Variants in OSBPL3 observed in about 807,000 individuals in gnomAD.
The protein encoded by OSBPL3 is oxysterol-binding protein-related protein 3.
In OSBPL3, 65 loss-of-function variants were observed where a neutral mutation model predicts 120.1. The observed-to-expected ratio is 0.54, with a 90% confidence interval of 0.44 to 0.67. OSBPL3 has a LOEUF of 0.67. OSBPL3 is among the 30% of genes least tolerant of loss of function. OSBPL3 has a pLI of 0.00. For synonymous variants in OSBPL3, 416 were observed against 402.6 expected (o/e 1.03, Z -0.40); for missense variants, 1,004 against 1,082.1 (o/e 0.93, Z 1.01).
intron 19 of OSBPL3, 129 bp from the exon 20 acceptor site, chr7:24,810,080 T>A: frequency 1.0e-6 from 1 of 967,240 alleles, no homozygotes; most frequent in Non-Finnish European, 1.6e-6. Flanking sequence ...AGTTTGCTAG[T>A]TCTGGGTTCC....
At position 24,933,808 on chromosome 7, in the gene OSBPL3, G is replaced by A. The variant is rs1393513490; in HGVS notation, c.-149-41187C>T. Among the ~76,000 whole-genome samples the A allele has an allele frequency of 6.6e-6, 1 of 152,180 alleles. No individual in the cohort carries two copies. Among genetic ancestry groups the A allele is most frequent in the East Asian group, 1.9e-4 (1 of 5,204 alleles). Reference sequence around the variant, plus strand: ...ATTCCCAAAGTTACTATCTGCTTTTGCTATCAAAGTTTGGAATTTCAGTCA... The same window carrying A: ...ATTCCCAAAGTTACTATCTGCTTTTACTATCAAAGTTTGGAATTTCAGTCA... On this transcript the variant is annotated intron_variant, in intron 1 of 22. Coordinates refer to ENST00000313367, the MANE Select transcript of OSBPL3 (RefSeq NM_015550.4). This position sits in a 1 kb window ranked among gnomAD's most constrained non-coding sequence, Gnocchi z 5.1.
In OSBPL3 at chr7:24,828,683, T is replaced by G. The variant is rs997720243; in HGVS notation, c.1884+2085A>C. On this transcript the variant is annotated intron_variant, in intron 16 of 22. Transcript: ENST00000313367. ...AAATATAAGAGCAATAGCCATTTAC[T>G]GAATATTTCCATCAGTGTATTATTT... Among the ~76,000 whole-genome samples, 3 of 150,416 alleles carry G rather than the reference T, an allele frequency of 2.0e-5. 1 individual carries two copies. Among genetic ancestry groups the G allele is most frequent in the African/African-American group, 7.3e-5 (3 of 41,072 alleles).
chr7:24,862,692 C>T lies in OSBPL3; in HGVS notation c.870+508G>A, dbSNP rs2128251897. On this transcript the variant is annotated intron_variant, in intron 9 of 22. Coordinates refer to ENST00000313367, the MANE Select transcript of OSBPL3 (RefSeq NM_015550.4). This position sits in a 1 kb window ranked among gnomAD's most constrained non-coding sequence, Gnocchi z 4.4. Reference sequence around the variant, plus strand: ...AGCTGTGCATTGGGAAAGCTCCTAGCATGACACAGTGAATCCTGGATGAGG... The same window carrying T: ...AGCTGTGCATTGGGAAAGCTCCTAGTATGACACAGTGAATCCTGGATGAGG... Among the ~76,000 whole-genome samples the T allele has an allele frequency of 6.6e-6, 1 of 152,286 alleles. No individual in the cohort carries two copies. The highest frequency in any genetic ancestry group is 2.1e-4 in the South Asian group (1 of 4,820).
In OSBPL3 at chr7:24,915,515, T is replaced by C. The variant is rs115175860; in HGVS notation, c.-149-22894A>G. 4.1e-3 allele frequency among the ~76,000 whole-genome samples: 607 copies of C among 149,398 alleles called. 3 individuals are homozygous for C. Among genetic ancestry groups the C allele is most frequent in the African/African-American group, 0.013 (517 of 40,190 alleles). The stretch of plus-strand genomic sequence containing the variant: ...ATGAAATGTTTCCAAATTCAAGGAA[T>C]ATGGCACCCAAAACCCCTTTCTTTA... On this transcript the variant is annotated intron_variant, in intron 1 of 22. Transcript: ENST00000313367.
Position 24,834,875 on chromosome 7 carries a change from G to A in OSBPL3, c.1496-139C>T, listed in dbSNP as rs184220117. ...GTTGTTCAGAGTATGGCTGAAGTCA[G>A]AAAACCGGCAAAAGAATTCTGAGCA... On this transcript the variant is annotated intron_variant, in intron 14 of 22. Transcript: ENST00000313367. This position sits in a 1 kb window ranked among gnomAD's most constrained non-coding sequence, Gnocchi z 5.2. 4.1e-6 allele frequency: 3 copies of A among 738,626 alleles called. No individual in the cohort carries two copies. 45.8% of individuals were successfully genotyped at this position (738,626 alleles called of 1,614,324 possible). A position where few individuals can be genotyped will look rare whatever the true frequency, so the allele number is the denominator to read the frequency against.
rs1291116134 is a variant in OSBPL3 at position 24,821,794 on chromosome 7, A to AT, written c.1885-1557dup. 6.6e-5 allele frequency among the ~76,000 whole-genome samples: 10 copies of AT among 152,140 alleles called. No individual in the cohort carries two copies. The highest frequency in any genetic ancestry group is 6.5e-4 in the Admixed American group (10 of 15,282). Reference sequence around the variant, plus strand: ...ACGTGAGCCCTTCTGTGCCTGTGGGATTTTCAAGGGCAACTTTCACTTCAA... The same window carrying AT: ...ACGTGAGCCCTTCTGTGCCTGTGGGATTTTTCAAGGGCAACTTTCACTTCAA... On this transcript the variant is annotated intron_variant, in intron 16 of 22. Coordinates refer to ENST00000313367, the MANE Select transcript of OSBPL3 (RefSeq NM_015550.4). This position sits in a 1 kb window ranked among gnomAD's most constrained non-coding sequence, Gnocchi z 5.5.
rs1252573464 is a variant in OSBPL3 at position 24,854,619 on chromosome 7, C to T, written c.1028-1985G>A. ...AAATTTTCTAACGACGCCTATGAAA[C>T]ACACTTAGCTCCTTGCTTTAAACAA... is the stretch of plus-strand genomic sequence containing the variant. On this transcript the variant is annotated intron_variant, in intron 10 of 22. Coordinates refer to ENST00000313367, the MANE Select transcript of OSBPL3 (RefSeq NM_015550.4). This position sits in a 1 kb window ranked among gnomAD's most constrained non-coding sequence, Gnocchi z 4.1. Among the ~76,000 whole-genome samples the T allele has an allele frequency of 6.6e-6, 1 of 152,016 alleles. No homozygotes were observed. Among genetic ancestry groups the T allele is most frequent in the Non-Finnish European group, 1.5e-5 (1 of 68,022 alleles).
Position 24,894,505 on chromosome 7 carries a change from GA to G in OSBPL3, c.-149-1885del, listed in dbSNP as rs56241015. Among the ~76,000 whole-genome samples the G allele has an allele frequency of 0.95, 142,150 of 150,210 alleles. 67,321 individuals carry two copies. The highest frequency in any genetic ancestry group is 1 in the South Asian group (4,712 of 4,728). ...GTGTTGGCTGTTGCTGTTTGAGAAA[GA>G]AAAAAAAAAAATCAAAAACCTGGTG... On this transcript the variant is annotated intron_variant, in intron 1 of 22. Coordinates refer to ENST00000313367, the MANE Select transcript of OSBPL3 (RefSeq NM_015550.4). This position sits in a 1 kb window ranked among gnomAD's most constrained non-coding sequence, Gnocchi z 4.1.
At chr7:24,904,073 G>A (rs1046701703) in intron 1 of OSBPL3, among the ~76,000 whole-genome samples, 1 of 151,908 alleles carries the variant, frequency 6.6e-6, no homozygotes, top group African/African-American at 2.4e-5. Context: ...AGTAGAGATG[G>A]GGTTTCACCA....
At chr7:24,924,275 C>T (rs1426196154) in intron 1 of OSBPL3, among the ~76,000 whole-genome samples, 3 of 151,902 alleles carry the variant, frequency 2.0e-5, no homozygotes, top group South Asian at 2.1e-4. Flanking sequence ...AAGAAAATAC[C>T]GAGGGAGATA....
rs1237097167 is a variant in OSBPL3 at position 24,827,396 on chromosome 7, T to C, written c.1884+3372A>G. 6.6e-6 allele frequency among the ~76,000 whole-genome samples: 1 copy of C among 152,216 alleles called. No individual in the cohort carries two copies. Among genetic ancestry groups the C allele is most frequent in the African/African-American group, 2.4e-5 (1 of 41,456 alleles). On this transcript the variant is annotated intron_variant, in intron 16 of 22. Coordinates refer to ENST00000313367, the MANE Select transcript of OSBPL3 (RefSeq NM_015550.4). This position sits in a 1 kb window ranked among gnomAD's most constrained non-coding sequence, Gnocchi z 5.1. ...GAGGGAAAGAGGGGTACTGAGCTGA[T>C]AGGCTCCTGCTGGCCAGGGAAAGGG...
In OSBPL3 at chr7:24,806,734, G is replaced by C. The variant is rs926606273; in HGVS notation, c.2444+42C>G. On this transcript the variant is annotated intron_variant, in intron 21 of 22. Transcript: ENST00000313367. This position sits in a 1 kb window ranked among gnomAD's most constrained non-coding sequence, Gnocchi z 5.2. Reference sequence around the variant, plus strand: ...TTGTTAATAAGACTTTTTGTAAAGGGTTTTACATCTCTGGAGAGAAAAATC... The same window carrying C: ...TTGTTAATAAGACTTTTTGTAAAGGCTTTTACATCTCTGGAGAGAAAAATC... 3 of 1,596,872 alleles carry C rather than the reference G, an allele frequency of 1.9e-6. No homozygotes were observed. Among genetic ancestry groups the C allele is most frequent in the Non-Finnish European group, 2.6e-6 (3 of 1,169,474 alleles).
At position 24,898,257 on chromosome 7, in the gene OSBPL3, C is replaced by T. The variant is rs552249264; in HGVS notation, c.-149-5636G>A. ...TCTAATCACAACTTCAGATACCGAT[C>T]GGTGATCCCGGACCTCTGAAGTGCT... On this transcript the variant is annotated intron_variant, in intron 1 of 22. Coordinates refer to ENST00000313367, the MANE Select transcript of OSBPL3 (RefSeq NM_015550.4). This position sits in a 1 kb window ranked among gnomAD's most constrained non-coding sequence, Gnocchi z 4.3. Among the ~76,000 whole-genome samples the T allele has an allele frequency of 6.6e-6, 1 of 152,142 alleles. No homozygotes were observed. Among genetic ancestry groups the T allele is most frequent in the Non-Finnish European group, 1.5e-5 (1 of 68,034 alleles).
At chr7:24,921,475 T>G (rs1810375651) in intron 1 of OSBPL3, among the ~76,000 whole-genome samples, 1 of 152,200 alleles carries the variant, frequency 6.6e-6, no homozygotes, top group African/African-American at 2.4e-5. Flanking sequence ...TTCATAGACG[T>G]TTGGTCATGT....
At position 24,865,970 on chromosome 7, in the gene OSBPL3, C is replaced by G; in HGVS notation, c.549+100G>C. The G allele has an allele frequency of 3.4e-6, 3 of 888,572 alleles. No homozygotes were observed. In the East Asian group the frequency reaches 7.2e-5, roughly 21 times the overall value. The allele number at this position is 888,572 out of a possible 1,614,324, so 55.0% of individuals were successfully genotyped here. On this transcript the variant is annotated intron_variant, in intron 6 of 22. Transcript: ENST00000313367. ...CCAGCCCAAGCCTACCCTGCTTGTC[C>G]CCGAAAACTTTTCCTTCTTCGGACT...
intron 1 of OSBPL3, among the ~76,000 whole-genome samples, chr7:24,915,443 G>A (rs554127987): frequency 1.4e-4 from 22 of 152,072 alleles, no homozygotes; most frequent in African/African-American, 4.1e-4. Flanking sequence ...CAACAGAAAA[G>A]TTGTCTTTCA....
At chr7:24,942,274 TAG>T (rs1813193263) in intron 1 of OSBPL3, among the ~76,000 whole-genome samples, 1 of 152,014 alleles carries the variant, frequency 6.6e-6, no homozygotes, top group African/African-American at 2.4e-5. Flanking sequence ...AATCTAAACA[TAG>T]GTATTCTTTT....
In OSBPL3 at chr7:24,813,607, C is replaced by T. The variant is rs949815146; in HGVS notation, c.2172+1452G>A. On this transcript the variant is annotated intron_variant, in intron 19 of 22. Coordinates refer to ENST00000313367, the MANE Select transcript of OSBPL3 (RefSeq NM_015550.4). This position sits in a 1 kb window ranked among gnomAD's most constrained non-coding sequence, Gnocchi z 4.5. ...TATGGGCTTTATGTCTGTCTATAAT[C>T]CAGTTTGAGGCTATAATAAAGACCC... 9.9e-5 allele frequency among the ~76,000 whole-genome samples: 15 copies of T among 152,110 alleles called. No homozygotes were observed. The highest frequency in any genetic ancestry group is 2.1e-4 in the Non-Finnish European group (14 of 68,032).
At chr7:24,949,387 C>G (rs1814117376) in intron 1 of OSBPL3, among the ~76,000 whole-genome samples, 2 of 152,204 alleles carry the variant, frequency 1.3e-5, no homozygotes, top group South Asian at 4.1e-4. Context: ...AGCATATTTT[C>G]CTTCCTCAGT....
Sources: allele counts gnomAD v4.1 joint callset (sites outside exome capture counted in the v4.1 genomes callset), GRCh38; gene constraint gnomAD v4.1.1; non-coding constraint Gnocchi (gnomAD v3.1); transcripts MANE v1.5; gene names NCBI Gene and HGNC (gene_info 2026-07-23, HGNC 2026-07-21).